The following ACSL1 variants were observed in gnomAD, a reference collection of about 807,000 sequenced individuals.
The protein encoded by ACSL1 is long-chain-fatty-acid--CoA ligase 1.
Under a neutral mutation model 98.4 loss-of-function variants are expected in ACSL1, and 41 were observed. That is an observed-to-expected ratio of 0.42 (90% CI 0.32 to 0.54). The LOEUF (loss-of-function observed/expected upper bound fraction) is 0.54. Among genes scored for constraint, ACSL1 ranks in the 20% least tolerant of loss-of-function variants. The pLI is 0.13. For missense variants in ACSL1, 734 were observed against 883.1 expected (o/e 0.83, Z 2.14); for synonymous variants, 316 against 322.7 (o/e 0.98, Z 0.22).
At chr4:184,761,855 G>A (rs560187837) in intron 17 of ACSL1, among the ~76,000 whole-genome samples, 3 of 152,288 alleles carry the variant, frequency 2.0e-5, no homozygotes, top group Admixed American at 6.5e-5. Context: ...CAGGCGCGGT[G>A]GTGGCTCACG....
chr4:184,761,086 C>G (rs1261934688), intron 17 of ACSL1, among the ~76,000 whole-genome samples: 1 of 152,214 alleles, frequency 6.6e-6, no homozygotes, highest in Non-Finnish European at 1.5e-5. Flanking sequence ...CCTAGTCCCA[C>G]TTTTACCCCA....
Position 184,814,960 on chromosome 4 carries a change from T to C in ACSL1, c.-33+10956A>G. On this transcript the variant is annotated intron_variant, in intron 1 of 20. Transcript: ENST00000281455. ...CAGGGGGATAACCAACTCTCCTTAG[T>C]TCCTGACAATCAGAAAGCCTGAGGA... is the stretch of plus-strand genomic sequence containing the variant. 6 of 454,734 alleles carry C rather than the reference T, an allele frequency of 1.3e-5. No homozygotes were observed. In the Middle Eastern group the frequency reaches 2.0e-3, roughly 148 times the overall value. The allele number at this position is 454,734 out of a possible 1,614,324, so 28.2% of individuals were successfully genotyped here.
chr4:184,780,387 C>G lies in ACSL1; in HGVS notation c.422G>C (p.Gly141Ala), dbSNP rs1443119837. ...GAACTGATCTGGGGCAGTCTTGAAG[C>G]CCTTCTGGATCAGTGCTGAGCCTAT... ...ECIGSALIQK[G>A]FKTAPDQFIG... The change falls in exon 5 of 21, where the codon GGC becomes GCC. Residue 141 changes from glycine (G) to alanine (A), a missense_variant. Gly to Ala is a moderately conservative substitution (Grantham distance 60, BLOSUM62 0). Coordinates refer to ENST00000281455, the MANE Select transcript of ACSL1 (RefSeq NM_001995.5). 6.2e-7 allele frequency: 1 copy of G among 1,613,764 alleles called. No homozygotes were observed. The highest frequency in any genetic ancestry group is 1.7e-5 in the Admixed American group (1 of 60,012).
At chr4:184,774,427 G>C (rs188474939) in intron 7 of ACSL1, among the ~76,000 whole-genome samples, 1 of 152,128 alleles carries the variant, frequency 6.6e-6, no homozygotes, top group Admixed American at 6.5e-5. Context: ...TCGTAGAGTG[G>C]AGATAGGATT....
At chr4:184,824,867 A>AT (rs1349811781) in intron 1 of ACSL1, among the ~76,000 whole-genome samples, 1 of 152,182 alleles carries the variant, frequency 6.6e-6, no homozygotes, top group South Asian at 2.1e-4. Context: ...GAAGCCTTTG[A>AT]TTTTTTTGCT....
At chr4:184,778,479 G>A (rs72695639) in intron 5 of ACSL1, among the ~76,000 whole-genome samples, 20,030 of 152,198 alleles carry the variant, frequency 0.13, 1,558 homozygotes, top group Non-Finnish European at 0.17. Flanking sequence ...AGGTGTGAAC[G>A]TGGGCATTCC....
intron 1 of ACSL1, among the ~76,000 whole-genome samples, chr4:184,818,481 T>A (rs1165233726): frequency 6.6e-6 from 1 of 152,204 alleles, no homozygotes; most frequent in Non-Finnish European, 1.5e-5. Context: ...ATCTTGGCTA[T>A]AAGATCTACG....
At chr4:184,805,465 A>G in intron 1 of ACSL1, 1 of 985,470 alleles carries the variant, frequency 1.0e-6, no homozygotes, top group Non-Finnish European at 1.2e-6. Context: ...AGAACAGATA[A>G]GCAGATTTCT....
intron 11 of ACSL1, among the ~76,000 whole-genome samples, chr4:184,769,656 C>T (rs1377763766): frequency 2.0e-5 from 3 of 152,150 alleles, no homozygotes; most frequent in Non-Finnish European, 2.9e-5. Context: ...TGAGCAAATC[C>T]GACAGGGCAG....
At chr4:184,777,334 C>T (rs893635411) in intron 5 of ACSL1, among the ~76,000 whole-genome samples, 1 of 152,108 alleles carries the variant, frequency 6.6e-6, no homozygotes, top group Non-Finnish European at 1.5e-5. Flanking sequence ...GTGGCACACA[C>T]CATGTCGCAG....
intron 2 of ACSL1, among the ~76,000 whole-genome samples, chr4:184,792,914 C>CTTAAATACTATATTAGGTAAG (rs1450239106): frequency 6.6e-6 from 1 of 152,128 alleles, no homozygotes; most frequent in Admixed American, 6.6e-5. Flanking sequence ...AAGCTGGGGA[C>CTTAAATACTATATTAGGTAAG]TTAAATACTA....
chr4:184,762,520 A>G lies in ACSL1; in HGVS notation c.1525T>C (p.Cys509Arg). Residue 509 changes from cysteine (C) to arginine (R), a missense_variant, in exon 17 of 21, where the codon TGT (cysteine) becomes CGT (arginine). Cys to Arg is a radical substitution (Grantham distance 180). Transcript: ENST00000281455. ...TGAAATACATTTGGCCCTTTCACACACACCTAAAGAAAAGAAGATCATCAG... is the reference window on the plus strand; with the variant it reads ...TGAAATACATTTGGCCCTTTCACACGCACCTAAAGAAAAGAAGATCATCAG... ...YMAAEGEGEVCVKGPNVFQGY... is the reference protein window; with the variant it reads ...YMAAEGEGEVRVKGPNVFQGY... 1 of 1,613,488 alleles carries G rather than the reference A, an allele frequency of 6.2e-7. No individual in the cohort carries two copies.
chr4:184,760,244 A>C (rs1329472753), intron 18 of ACSL1, 113 bp downstream of exon 18: 1 of 1,208,358 alleles, frequency 8.3e-7, no homozygotes, highest in Admixed American at 2.2e-5. Flanking sequence ...AGCAGATTAG[A>C]CATGAAAGCC....
chr4:184,801,971 T>C (rs1247372330), intron 2 of ACSL1, among the ~76,000 whole-genome samples: 1 of 152,184 alleles, frequency 6.6e-6, no homozygotes, highest in Non-Finnish European at 1.5e-5. Flanking sequence ...CAACTCTTCA[T>C]GGAGATGGCA....
intron 7 of ACSL1, among the ~76,000 whole-genome samples, chr4:184,774,889 G>C (rs1481565903): frequency 1.3e-5 from 2 of 152,146 alleles, no homozygotes; most frequent in Non-Finnish European, 2.9e-5. Context: ...TCAGCCAAAA[G>C]CTAAAGCAAT....
At chr4:184,780,902 G>A (rs141770493) in intron 4 of ACSL1, among the ~76,000 whole-genome samples, 3 of 152,072 alleles carry the variant, frequency 2.0e-5, no homozygotes, top group Non-Finnish European at 2.9e-5. Flanking sequence ...TCTTGAGAAC[G>A]TATTCTTAGG....
chr4:184,763,338 T>C, intron 15 of ACSL1, 83 bp from the exon 16 acceptor site: 2 of 1,239,992 alleles, frequency 1.6e-6, no homozygotes. Context: ...CAAACAGGAT[T>C]CCACATAAGA....
At chr4:184,804,245 T>C (rs1238845212) in intron 1 of ACSL1, among the ~76,000 whole-genome samples, 1 of 152,186 alleles carries the variant, frequency 6.6e-6, no homozygotes, top group Non-Finnish European at 1.5e-5. Context: ...AAAGAGGGAA[T>C]ACAGCACAGT....
chr4:184,768,418 T>C lies in ACSL1; in HGVS notation c.1026A>G (p.Gly342=). 1.2e-6 allele frequency: 2 copies of C among 1,613,596 alleles called. No homozygotes were observed. Among genetic ancestry groups the C allele is most frequent in the Non-Finnish European group, 8.5e-7 (1 of 1,179,888 alleles). ...GCAGCCTGATATCTCCTTGGAAAAA[T>C]CCGATTTTAGCTCCATGACACAGCA... The part of the protein sequence containing the change: ...CVMLCHGAKI[G]FFQGDIRLLM... Residue 342 remains glycine (G), a synonymous_variant, in exon 12 of 21, where the codon GGA becomes GGG. Transcript: ENST00000281455.
Sources: gnomAD v4.1 joint callset for allele counts (sites outside exome capture counted in the v4.1 genomes callset) on GRCh38, gnomAD v4.1.1 for gene constraint, MANE v1.5 for transcripts, NCBI Gene and HGNC (gene_info 2026-07-23, HGNC 2026-07-21) for gene names.